PPP1R13B: variants seen among roughly 807,000 people sequenced by gnomAD.
PPP1R13B encodes the protein protein phosphatase 1 regulatory subunit 13B.
PPP1R13B carries 44 observed loss-of-function variants against 119.8 expected under a neutral mutation model. The observed-to-expected ratio is 0.37, with a 90% CI of 0.29 to 0.47. The LOEUF (loss-of-function observed/expected upper bound fraction) is 0.47. Among genes scored for constraint, PPP1R13B ranks in the 20% least tolerant of loss-of-function variants. The pLI is 0.99. For missense variants in PPP1R13B, 1,227 were observed against 1,413.5 expected (o/e 0.87, Z 2.12); for synonymous variants, 542 against 561.5 (o/e 0.97, Z 0.49).
At chr14:103,825,329 A>G (rs1400141340) in intron 1 of PPP1R13B, among the ~76,000 whole-genome samples, 1 of 152,178 alleles carries the variant, frequency 6.6e-6, no homozygotes, top group East Asian at 1.9e-4. Context: ...AGTGAAAGGA[A>G]AGTGACCATG....
intron 7 of PPP1R13B, among the ~76,000 whole-genome samples, chr14:103,752,660 A>G (rs2084579323): frequency 6.7e-6 from 1 of 148,948 alleles, no homozygotes; most frequent in Non-Finnish European, 1.5e-5. Context: ...TCAGCCTCCC[A>G]AGTGGCTGAG....
At chr14:103,764,555 AG>A (rs2084893167) in intron 4 of PPP1R13B, 1 of 235,464 alleles carries the variant, frequency 4.2e-6, no homozygotes, top group East Asian at 1.4e-4. Context: ...TATTGTAGTC[AG>A]TAGACATAAA....
At chr14:103,826,601 A>G (rs1282807100) in intron 1 of PPP1R13B, among the ~76,000 whole-genome samples, 2 of 152,292 alleles carry the variant, frequency 1.3e-5, no homozygotes, top group Admixed American at 6.5e-5. Flanking sequence ...ATTTCAAAAC[A>G]AAAGTACAAA....
chr14:103,745,764 AC>A (rs1229255459), intron 9 of PPP1R13B, among the ~76,000 whole-genome samples: 2 of 151,882 alleles, frequency 1.3e-5, no homozygotes, highest in Non-Finnish European at 2.9e-5. Flanking sequence ...GAGTAAATAA[AC>A]CTGCAGTAAG....
chr14:103,823,131 G>A (rs529272625), intron 1 of PPP1R13B, among the ~76,000 whole-genome samples: 1 of 152,220 alleles, frequency 6.6e-6, no homozygotes, highest in East Asian at 1.9e-4. Context: ...GAGGTCAGGA[G>A]ATCGAGACCA....
intron 1 of PPP1R13B, among the ~76,000 whole-genome samples, chr14:103,813,400 C>A (rs547766891): frequency 6.6e-6 from 1 of 152,156 alleles, no homozygotes; most frequent in East Asian, 1.9e-4. Flanking sequence ...CCCAAAAGCT[C>A]ATCTTGAATT....
At chr14:103,763,106 C>G (rs11626714) in intron 4 of PPP1R13B, 56,689 of 830,644 alleles carry the variant, frequency 0.068, 2,240 homozygotes, top group Middle Eastern at 0.13. Flanking sequence ...GGGTGGCCTG[C>G]AGCAGCTTTT....
chr14:103,756,089 T>C (rs990609519), intron 5 of PPP1R13B, among the ~76,000 whole-genome samples: 2 of 152,040 alleles, frequency 1.3e-5, no homozygotes, highest in Non-Finnish European at 2.9e-5. Flanking sequence ...TTTGGAATTT[T>C]TTTTTCTTTT....
chr14:103,785,720 T>C (rs2085447657), intron 2 of PPP1R13B, among the ~76,000 whole-genome samples: 1 of 148,962 alleles, frequency 6.7e-6, no homozygotes, highest in Non-Finnish European at 1.5e-5. Context: ...CCATGTTGGC[T>C]AGGCTGGTCT....
chr14:103,841,132 A>T (rs1341466438), intron 1 of PPP1R13B, among the ~76,000 whole-genome samples: 1 of 152,116 alleles, frequency 6.6e-6, no homozygotes, highest in Non-Finnish European at 1.5e-5. Flanking sequence ...CTAAAAATAC[A>T]AAATTAGCCA....
rs753972222 is a variant in PPP1R13B, at chr14:103,778,797, C to G, written c.302G>C (p.Arg101Pro). ...TACATTTATTACATTTCTCTGAGTT[C>G]GTTGCTCTTGGGTCTGACGGCCACC... ...EQGGRQTQEQRTQRNVINVPG... is the reference protein window; with the variant it reads ...EQGGRQTQEQPTQRNVINVPG... Residue 101 changes from arginine (R) to proline (P), a missense_variant, in exon 4 of 17, where the codon CGA becomes CCA. Arg to Pro is a moderately radical substitution (Grantham distance 103). Transcript: ENST00000202556. 1 of 1,613,996 alleles carries G rather than the reference C, an allele frequency of 6.2e-7. No individual in the cohort carries two copies. Among genetic ancestry groups the G allele is most frequent in the South Asian group, 1.1e-5 (1 of 91,070 alleles).
At chr14:103,848,562 G>A (rs2152095825), upstream of PPP1R13B, 1 of 918,148 alleles carries the variant, frequency 1.1e-6, no homozygotes, top group African/African-American at 1.8e-5. Flanking sequence ...GAACTCCCAC[G>A]GGCATCAGAA....
At position 103,826,812 on chromosome 14, in the gene PPP1R13B, T is replaced by G. The variant is rs112159520; in HGVS notation, c.9+20487A>C. ...TCACAAGGTCAGGAGATAGAGACCA[T>G]CCTGGCTAACAAGGTGAAACCCTGT... On this transcript the variant is annotated intron_variant, in intron 1 of 16. Transcript: ENST00000202556. Among the ~76,000 whole-genome samples the G allele has an allele frequency of 6.2e-3, 920 of 148,446 alleles. 13 individuals are homozygous for G. Among genetic ancestry groups the G allele is most frequent in the African/African-American group, 0.022 (875 of 40,338 alleles).
At chr14:103,843,641 A>T (rs945054345) in intron 1 of PPP1R13B, among the ~76,000 whole-genome samples, 2 of 152,212 alleles carry the variant, frequency 1.3e-5, no homozygotes, top group African/African-American at 4.8e-5. Flanking sequence ...GGAAAATTCC[A>T]AAATATAATT....
chr14:103,794,068 AG>A (rs1185714260), intron 2 of PPP1R13B, among the ~76,000 whole-genome samples: 6 of 152,172 alleles, frequency 3.9e-5, no homozygotes, highest in Admixed American at 6.5e-5. Flanking sequence ...TCAAAGAGAG[AG>A]AGAGTCTTCA....
In PPP1R13B at chr14:103,741,851, G is replaced by C. The variant is rs772993979; in HGVS notation, c.1761C>G (p.Ala587=). Residue 587 remains alanine (A), a synonymous_variant, in exon 11 of 17, where the codon GCC becomes GCG. Transcript: ENST00000202556. ...SSIYSMYLQQ[A]TPPKNYQPAA... is the part of the protein sequence containing the mutation. Reference sequence around the variant, plus strand: ...CCGGCTGGTAATTCTTAGGTGGTGTGGCTTGCTGGAGGTACATGGAGTATA... The same window carrying C: ...CCGGCTGGTAATTCTTAGGTGGTGTCGCTTGCTGGAGGTACATGGAGTATA... 1.2e-6 allele frequency: 2 copies of C among 1,614,102 alleles called. No homozygotes were observed. The highest frequency in any genetic ancestry group is 1.7e-6 in the Non-Finnish European group (2 of 1,180,040).
upstream of PPP1R13B, chr14:103,847,734 C>T (rs1365186508): frequency 1.3e-5 from 9 of 708,040 alleles, no homozygotes; most frequent in South Asian, 6.3e-5. Flanking sequence ...TCGCTCTCAG[C>T]GGCGGCCAGG....
At chr14:103,746,674 C>A (rs533592814) in intron 8 of PPP1R13B, 121 bp from the exon 9 acceptor site, 10 of 824,002 alleles carry the variant, frequency 1.2e-5, no homozygotes, top group Non-Finnish European at 1.8e-5. Context: ...TTTTAGGAAG[C>A]CTGTCATCTG....
intron 1 of PPP1R13B, among the ~76,000 whole-genome samples, chr14:103,831,186 G>T (rs944719548): frequency 1.3e-5 from 2 of 151,772 alleles, no homozygotes; most frequent in Admixed American, 1.3e-4. Context: ...CTCATGATCT[G>T]CCCACCTCGA....
Sources: allele counts gnomAD v4.1 joint callset (sites outside exome capture counted in the v4.1 genomes callset), GRCh38; gene constraint gnomAD v4.1.1; transcripts MANE v1.5; gene names NCBI Gene and HGNC (gene_info 2026-07-23, HGNC 2026-07-21).